RTP3: variants seen among roughly 807,000 people sequenced by gnomAD.
The protein encoded by RTP3 is receptor transporter protein 3.
Under a neutral mutation model 6.2 loss-of-function variants are expected in RTP3, and 2 were observed. The observed-to-expected ratio is 0.32, with a 90% CI of 0.13 to 1.02. The LOEUF is 1.02. Among genes scored for constraint, RTP3 ranks in the 50% least tolerant of loss-of-function variants. The pLI is 0.47. For synonymous variants in RTP3, 106 were observed against 98.3 expected (o/e 1.08, Z -0.47); for missense variants, 252 against 280.8 (o/e 0.90, Z 0.73).
chr3:46,499,398 A>G (rs1703681840), intron 1 of RTP3, among the ~76,000 whole-genome samples: 1 of 152,206 alleles, frequency 6.6e-6, no homozygotes, highest in Non-Finnish European at 1.5e-5. Flanking sequence ...TGCTGGCCTC[A>G]TCTCATTGCC....
rs771991999 is a variant in RTP3, at chr3:46,498,212, C to T, written c.150C>T (p.Phe50=). Reference sequence around the variant, plus strand: ...GGATGCAATACCAGCAGTGGACCTTCGCCAGGTGAGGGGGAATGTGATGGT... The same window carrying T: ...GGATGCAATACCAGCAGTGGACCTTTGCCAGGTGAGGGGGAATGTGATGGT... ...PGWMQYQQWT[F]ARFQCSSCSR... is the part of the protein sequence containing the mutation. The change falls in exon 1 of 2, where the codon TTC becomes TTT. Residue 50 remains phenylalanine (F), a synonymous_variant. Coordinates refer to ENST00000296142, the MANE Select transcript of RTP3 (RefSeq NM_031440.2). The T allele has an allele frequency of 1.7e-5, 27 of 1,614,036 alleles. No individual in the cohort carries two copies. Among genetic ancestry groups the T allele is most frequent in the Non-Finnish European group, 2.1e-5 (25 of 1,180,042 alleles).
At chr3:46,498,958 T>C (rs944050214) in intron 1 of RTP3, among the ~76,000 whole-genome samples, 3 of 152,254 alleles carry the variant, frequency 2.0e-5, no homozygotes, top group African/African-American at 4.8e-5. Flanking sequence ...GTTTGAACTC[T>C]GAACAAGCAC....
At chr3:46,499,736 C>A (rs1484576068) in intron 1 of RTP3, among the ~76,000 whole-genome samples, 1 of 152,156 alleles carries the variant, frequency 6.6e-6, no homozygotes, top group Non-Finnish European at 1.5e-5. Context: ...GGAGGGGAAA[C>A]AAATGAAGAG....
Position 46,500,800 on chromosome 3 carries a change from C to T in RTP3, c.600C>T (p.Ser200=), listed in dbSNP as rs770155631. 6.2e-7 allele frequency: 1 copy of T among 1,614,012 alleles called. No homozygotes were observed. The highest frequency in any genetic ancestry group is 1.1e-5 in the South Asian group (1 of 91,016). ...GGGCCTCAGGAGAGAATGTCTATTC[C>T]TACGCATGCCAAAACCACATCTGTA... ...KPWASGENVY[S]YACQNHICRN... Residue 200 remains serine (S), a synonymous_variant, in exon 2 of 2, where the codon TCC becomes TCT. Coordinates refer to ENST00000296142, the MANE Select transcript of RTP3 (RefSeq NM_031440.2).
intron 1 of RTP3, among the ~76,000 whole-genome samples, chr3:46,498,890 G>T (rs558900792): frequency 2.0e-5 from 3 of 152,320 alleles, no homozygotes; most frequent in South Asian, 4.1e-4. Flanking sequence ...GCTATCCCAG[G>T]CCAGGAGCTG....
At chr3:46,498,362 T>C in intron 1 of RTP3, 145 bp downstream of exon 1, 1 of 928,808 alleles carries the variant, frequency 1.1e-6, no homozygotes, top group South Asian at 1.7e-5. Flanking sequence ...AAGTTGTAAC[T>C]TCATTAAAGA....
chr3:46,499,260 A>C (rs1302474872), intron 1 of RTP3, among the ~76,000 whole-genome samples: 1 of 152,262 alleles, frequency 6.6e-6, no homozygotes, highest in Non-Finnish European at 1.5e-5. Flanking sequence ...CCACAGTGAC[A>C]AATAAACCTG....
At position 46,498,126 on chromosome 3, in the gene RTP3, T is replaced by C; in HGVS notation, c.64T>C (p.Trp22Arg). The C allele has an allele frequency of 6.2e-7, 1 of 1,614,212 alleles. No homozygotes were observed. Among genetic ancestry groups the C allele is most frequent in the Middle Eastern group, 1.6e-4 (1 of 6,062 alleles). ...GGAGTTAATGCGGGAGGTGAAGCCA[T>C]GGCACAGGTGGACCCTGAGACCAGA... ...FQELMREVKP[W>R]HRWTLRPDKG... is the part of the protein sequence containing the mutation. The change falls in exon 1 of 2, where the codon TGG (tryptophan) becomes CGG (arginine). Residue 22 changes from tryptophan to arginine, a missense_variant. Trp to Arg is a moderately radical substitution (Grantham distance 101). Transcript: ENST00000296142.
At chr3:46,499,944 G>A (rs1415571208) in intron 1 of RTP3, among the ~76,000 whole-genome samples, 1 of 152,136 alleles carries the variant, frequency 6.6e-6, no homozygotes, top group African/African-American at 2.4e-5. Context: ...GGCTGCTGTT[G>A]CAGTTGTGGC....
At chr3:46,500,017 C>T (rs1043104650) in intron 1 of RTP3, among the ~76,000 whole-genome samples, 2 of 152,236 alleles carry the variant, frequency 1.3e-5, no homozygotes, top group African/African-American at 2.4e-5. Flanking sequence ...ACCACAGTCC[C>T]AGTCATGCCT....
Position 46,500,787 on chromosome 3 carries a change from A to T in RTP3, c.587A>T (p.Glu196Val). The stretch of plus-strand genomic sequence containing the variant: ...GTAGTTAAGCCCTGGGCCTCAGGAG[A>T]GAATGTCTATTCCTACGCATGCCAA... ...EEVVKPWASGENVYSYACQNH... is the reference protein window; with the variant it reads ...EEVVKPWASGVNVYSYACQNH... Residue 196 changes from glutamate to valine, a missense_variant, in exon 2 of 2, where the codon GAG (glutamate) becomes GTG (valine). Coordinates refer to ENST00000296142, the MANE Select transcript of RTP3 (RefSeq NM_031440.2). 1 of 1,614,152 alleles carries T rather than the reference A, an allele frequency of 6.2e-7. No homozygotes were observed. Among genetic ancestry groups the T allele is most frequent in the Non-Finnish European group, 8.5e-7 (1 of 1,180,022 alleles).
chr3:46,498,361 C>A lies in RTP3; in HGVS notation c.155+144C>A, dbSNP rs948028353. 7.1e-5 allele frequency: 67 copies of A among 938,424 alleles called. 1 individual carries two copies. The highest frequency in any genetic ancestry group is 1.0e-4 in the Non-Finnish European group (65 of 619,638). 58.1% of individuals were successfully genotyped at this position (938,424 alleles called of 1,614,324 possible). ...ATGCCCATCATCCAAGAAGTTGTAA[C>A]TTCATTAAAGATCGTTTTTTCACTA... is the stretch of plus-strand genomic sequence containing the variant. On this transcript the variant is annotated intron_variant, in intron 1 of 1. Transcript: ENST00000296142.
chr3:46,499,839 G>A (rs1296446741), intron 1 of RTP3, among the ~76,000 whole-genome samples: 1 of 151,814 alleles, frequency 6.6e-6, no homozygotes, highest in Non-Finnish European at 1.5e-5. Context: ...GGAGAACCCT[G>A]GACACTTCAG....
At chr3:46,500,051 A>C (rs12496623) in intron 1 of RTP3, among the ~76,000 whole-genome samples, 48,321 of 152,128 alleles carry the variant, frequency 0.32, 9,306 homozygotes, top group East Asian at 0.48. Flanking sequence ...GGGTCTCTGG[A>C]CATGAGGAGT....
chr3:46,500,240 G>A, intron 1 of RTP3, 116 bp from the exon 2 acceptor site: 1 of 1,160,956 alleles, frequency 8.6e-7, no homozygotes, highest in Admixed American at 2.3e-5. Flanking sequence ...CCACCACTGA[G>A]CCACAGCCCC....
At chr3:46,498,768 G>T (rs1247311638) in intron 1 of RTP3, among the ~76,000 whole-genome samples, 1 of 152,238 alleles carries the variant, frequency 6.6e-6, no homozygotes, top group African/African-American at 2.4e-5. Context: ...GGAGCCCCAA[G>T]GCTTGGGGCT....
intron 1 of RTP3, 116 bp downstream of exon 1, chr3:46,498,333 A>G: frequency 8.1e-6 from 9 of 1,105,966 alleles, no homozygotes; most frequent in Non-Finnish European, 1.2e-5. Flanking sequence ...TATGGGTAAT[A>G]AGATGCCCAT....
rs781418653 is a variant in RTP3 at position 46,500,870 on chromosome 3, G to A, written c.670G>A (p.Val224Met). Residue 224 changes from valine (V) to methionine (M), a missense_variant, in exon 2 of 2, where the codon GTG (valine) becomes ATG (methionine). Coordinates refer to ENST00000296142, the MANE Select transcript of RTP3 (RefSeq NM_031440.2). Reference sequence around the variant, plus strand: ...CTGTTGTGTCATTCTCATTGTTATCGTGGTGATTGTTGTAAAAACTGCTAT... The same window carrying A: ...CTGTTGTGTCATTCTCATTGTTATCATGGTGATTGTTGTAAAAACTGCTAT... ...FCCCVILIVI[V>M]VIVVKTAI is the part of the protein sequence containing the mutation. The A allele has an allele frequency of 2.0e-5, 31 of 1,585,156 alleles. No homozygotes were observed. Among genetic ancestry groups the A allele is most frequent in the African/African-American group, 1.5e-4 (11 of 73,722 alleles).
Position 46,500,417 on chromosome 3 carries a change from A to G in RTP3, c.217A>G (p.Met73Val), listed in dbSNP as rs776060790. The change falls in exon 2 of 2, where the codon ATG (methionine) becomes GTG (valine). Residue 73 changes from methionine to valine, a missense_variant. Coordinates refer to ENST00000296142, the MANE Select transcript of RTP3 (RefSeq NM_031440.2). ...TGCCCAAGTTCTGGTCCTTTTCCAC[A>G]TGAACTGGAGTGAGGAGAAGTCCAG... Reference protein sequence around the residue: ...ASAQVLVLFHMNWSEEKSRGQ... With the variant: ...ASAQVLVLFHVNWSEEKSRGQ... 1.7e-5 allele frequency: 28 copies of G among 1,613,940 alleles called. No individual in the cohort carries two copies. Among genetic ancestry groups the G allele is most frequent in the Non-Finnish European group, 2.0e-5 (24 of 1,180,008 alleles).
Sources: gnomAD v4.1 joint callset for allele counts (sites outside exome capture counted in the v4.1 genomes callset) on GRCh38, gnomAD v4.1.1 for gene constraint, MANE v1.5 for transcripts, NCBI Gene and HGNC (gene_info 2026-07-23, HGNC 2026-07-21) for gene names.